DMD: variants seen among roughly 807,000 people sequenced by gnomAD.
DMD encodes the protein mutant dystrophin.
DMD carries 63 observed loss-of-function variants against 330.1 expected under a neutral mutation model. The ratio of observed to expected loss-of-function variants is 0.19; its 90% CI spans 0.16 to 0.24. The LOEUF is 0.24. Among genes scored for constraint, DMD ranks in the 10% least tolerant of loss-of-function variants. DMD has a pLI of 1.00. For synonymous variants in DMD, 1,223 were observed against 959.8 expected (o/e 1.27, Z -5.07); for missense variants, 3,344 against 2,684.1 (o/e 1.25, Z -5.43).
intron 57 of DMD, among the ~76,000 whole-genome samples, chrX:31,490,317 C>T (rs2069165075): frequency 8.9e-6 from 1 of 112,090 alleles, no homozygotes; most frequent in East Asian, 2.8e-4. Context: ...AATCCCAGCA[C>T]TTTGGGAGGC....
chrX:32,727,373 C>T (rs2067006450), intron 7 of DMD, among the ~76,000 whole-genome samples: 2 of 110,844 alleles, frequency 1.8e-5, no homozygotes, highest in South Asian at 7.5e-4. Flanking sequence ...AATGGTTTCA[C>T]GAGACCATTG....
At chrX:32,853,636 G>A (rs1231362987) in intron 2 of DMD, among the ~76,000 whole-genome samples, 5 of 109,093 alleles carry the variant, frequency 4.6e-5, no homozygotes, top group Admixed American at 9.9e-5. Context: ...GAGAAAAATC[G>A]CCTTCACTAA....
At chrX:33,119,627 A>G (rs1433276325) in intron 1 of DMD, among the ~76,000 whole-genome samples, 1 of 111,735 alleles carries the variant, frequency 8.9e-6, no homozygotes, top group Non-Finnish European at 1.9e-5. Context: ...AAAAGGAAGA[A>G]AAATGAAGTG....
At chrX:32,796,352 A>C (rs564659551) in intron 7 of DMD, among the ~76,000 whole-genome samples, 1 of 111,652 alleles carries the variant, frequency 9.0e-6, no homozygotes, top group Non-Finnish European at 1.9e-5. Context: ...AAGTGAGACA[A>C]TCGAGGCAAA....
intron 42 of DMD, among the ~76,000 whole-genome samples, chrX:32,309,290 C>G (rs1204675497): frequency 1.8e-5 from 2 of 111,461 alleles, no homozygotes; most frequent in East Asian, 2.8e-4. Flanking sequence ...CTGCTGATAG[C>G]AAACCCATCT....
chrX:32,623,454 T>C (rs2058131188), intron 11 of DMD, among the ~76,000 whole-genome samples: 1 of 111,478 alleles, frequency 9.0e-6, no homozygotes, highest in Non-Finnish European at 1.9e-5. Context: ...ATATTAGTTG[T>C]AAAATACACT....
chrX:31,291,944 C>T (rs1299305676), intron 62 of DMD, among the ~76,000 whole-genome samples: 3 of 110,880 alleles, frequency 2.7e-5, no homozygotes, highest in African/African-American at 9.8e-5. Flanking sequence ...CTCTATCTCA[C>T]ATATTACACA....
intron 1 of DMD, among the ~76,000 whole-genome samples, chrX:33,309,342 T>C (rs1422403734): frequency 8.9e-6 from 1 of 111,755 alleles, no homozygotes; most frequent in Non-Finnish European, 1.9e-5. Flanking sequence ...TAGCAACACA[T>C]ATTACATATC....
rs1017594465 is a variant in DMD at position 31,131,555 on chromosome X, G to A, written c.11014+2547C>T. Among the ~76,000 whole-genome samples, 8 of 111,337 alleles carry A rather than the reference G, an allele frequency of 7.2e-5. No homozygotes were observed. The Admixed American group carries it at 7.6e-4, about 11-fold the overall frequency. On this transcript the variant is annotated intron_variant, in intron 77 of 78. Coordinates refer to ENST00000357033, the MANE Select transcript of DMD (RefSeq NM_004006.3). ...AACAGAGTCAGAAATCACTGTCCTG[G>A]ATGTCAAAAGTGTTAAAATGACCTT...
At chrX:32,841,875 C>T (rs1277033637) in intron 4 of DMD, among the ~76,000 whole-genome samples, 2 of 111,386 alleles carry the variant, frequency 1.8e-5, no homozygotes, top group Non-Finnish European at 3.8e-5. Context: ...TAATATTAAC[C>T]ATTGAAGTGA....
chrX:33,249,614 C>T (rs1397940485), intron 1 of DMD, among the ~76,000 whole-genome samples: 3 of 111,650 alleles, frequency 2.7e-5, no homozygotes, highest in Non-Finnish European at 5.6e-5. Context: ...TTTTTAACAA[C>T]GTAGGAAACA....
At chrX:32,424,703 G>A (rs1250582767) in intron 29 of DMD, among the ~76,000 whole-genome samples, 1 of 109,214 alleles carries the variant, frequency 9.2e-6, no homozygotes, top group Non-Finnish European at 1.9e-5. Context: ...CCAAATTATG[G>A]AGCCGATCCT....
At chrX:32,243,955 C>CT (rs145842581) in intron 43 of DMD, among the ~76,000 whole-genome samples, 14,479 of 101,340 alleles carry the variant, frequency 0.14, 1,190 homozygotes, top group East Asian at 0.31. Flanking sequence ...GAGGAACGAA[C>CT]TTTTTTTTTT....
At chrX:33,167,871 T>C (rs2148687733) in intron 1 of DMD, among the ~76,000 whole-genome samples, 1 of 111,340 alleles carries the variant, frequency 9.0e-6, no homozygotes, top group Non-Finnish European at 1.9e-5. Context: ...TCCTTTTGTG[T>C]AAAGAGAGAA....
intron 44 of DMD, among the ~76,000 whole-genome samples, chrX:31,992,458 G>A (rs1381768638): frequency 3.6e-5 from 4 of 111,519 alleles, no homozygotes; most frequent in East Asian, 2.8e-4. Context: ...ATGATGCTAC[G>A]TTTCTGAAGT....
rs142897820 is a variant in DMD at position 32,827,237 on chromosome X, A to C, written c.265-3850T>G. On this transcript the variant is annotated intron_variant, in intron 4 of 78. Transcript: ENST00000357033. ...AAGTAACATTGTGAAAAGATAAGCA[A>C]AAGACATAAGATATATTCATGTACT... 7.9e-3 allele frequency among the ~76,000 whole-genome samples: 875 copies of C among 111,102 alleles called. 11 individuals are homozygous for C. Among genetic ancestry groups the C allele is most frequent in the African/African-American group, 0.028 (840 of 30,484 alleles).
chrX:32,083,774 T>C (rs1323651050), intron 44 of DMD, among the ~76,000 whole-genome samples: 1 of 112,485 alleles, frequency 8.9e-6, no homozygotes, highest in African/African-American at 3.2e-5. Context: ...AAAATTAACA[T>C]TTCATTTACA....
At chrX:32,195,793 T>C (rs1182577787) in intron 44 of DMD, among the ~76,000 whole-genome samples, 1 of 111,455 alleles carries the variant, frequency 9.0e-6, no homozygotes, top group Non-Finnish European at 1.9e-5. Flanking sequence ...GAGTATTCTG[T>C]TGTTCCCTCT....
chrX:31,433,467 T>A (rs1220045562), intron 60 of DMD, among the ~76,000 whole-genome samples: 4 of 108,408 alleles, frequency 3.7e-5, no homozygotes. Context: ...TTTCTTTTTT[T>A]TTTTTTTGAG....
Sources: gnomAD v4.1 joint callset for allele counts (sites outside exome capture counted in the v4.1 genomes callset) on GRCh38, gnomAD v4.1.1 for gene constraint, MANE v1.5 for transcripts, NCBI Gene and HGNC (gene_info 2026-07-23, HGNC 2026-07-21) for gene names.